Variants in SYT1 observed in about 807,000 individuals in gnomAD.
SYT1 encodes synaptotagmin 1, also known as synaptotagmin-1.
Under a neutral mutation model 44.8 loss-of-function variants are expected in SYT1, and 8 were observed. The observed-to-expected ratio is 0.18, with a 90% CI of 0.10 to 0.32. The LOEUF is 0.32. Among genes scored for constraint, SYT1 ranks in the 10% least tolerant of loss-of-function variants. The pLI, the probability that SYT1 is intolerant of heterozygous loss-of-function variation, is 1.00. For synonymous variants in SYT1, 154 were observed against 188.8 expected (o/e 0.82, Z 1.51); for missense variants, 286 against 509.3 (o/e 0.56, Z 4.22).
intron 4 of SYT1, among the ~76,000 whole-genome samples, chr12:79,283,480 T>G (rs911277805): frequency 1.8e-4 from 27 of 152,192 alleles, no homozygotes; most frequent in Non-Finnish European, 3.8e-4. Context: ...CAAATCATCT[T>G]TGTCTTGTCT....
chr12:79,335,207 A>G (rs1882033943), intron 8 of SYT1, among the ~76,000 whole-genome samples: 1 of 152,112 alleles, frequency 6.6e-6, no homozygotes, highest in South Asian at 2.1e-4. Flanking sequence ...GACCCTTTCA[A>G]CTAGATCTTT....
intron 4 of SYT1, among the ~76,000 whole-genome samples, chr12:79,244,443 C>T (rs1001479968): frequency 2.0e-5 from 3 of 152,108 alleles, no homozygotes; most frequent in African/African-American, 4.8e-5. Flanking sequence ...CAGTGGCTCA[C>T]GCCTGTAATC....
At chr12:79,368,842 G>T (rs1409048416) in intron 9 of SYT1, among the ~76,000 whole-genome samples, 1 of 152,180 alleles carries the variant, frequency 6.6e-6, no homozygotes, top group African/African-American at 2.4e-5. Flanking sequence ...CTCCCATTCT[G>T]TAGGTTGCCT....
intron 3 of SYT1, among the ~76,000 whole-genome samples, chr12:79,175,607 T>A (rs2694686): frequency 0.72 from 108,768 of 151,968 alleles, 39,450 homozygotes; most frequent in African/African-American, 0.8. Context: ...CTTTTGCCAC[T>A]AAAATTCATT....
intron 2 of SYT1, among the ~76,000 whole-genome samples, chr12:78,992,517 T>C (rs768507181): frequency 2.0e-5 from 3 of 152,228 alleles, no homozygotes; most frequent in Non-Finnish European, 2.9e-5. Flanking sequence ...AGGATTAGTA[T>C]TGCTTTGTGA....
intron 9 of SYT1, among the ~76,000 whole-genome samples, chr12:79,430,843 C>G (rs1234566755): frequency 6.6e-6 from 1 of 152,200 alleles, no homozygotes; most frequent in Non-Finnish European, 1.5e-5. Flanking sequence ...TTATACTTAA[C>G]TGGTTCATTC....
chr12:79,378,369 A>C (rs189326397), intron 9 of SYT1, among the ~76,000 whole-genome samples: 114 of 152,080 alleles, frequency 7.5e-4, no homozygotes, highest in African/African-American at 2.6e-3. Context: ...CATAAACACA[A>C]CTCTTAAAAT....
intron 9 of SYT1, chr12:79,419,167 A>C: frequency 2.3e-6 from 1 of 444,370 alleles, no homozygotes; most frequent in South Asian, 1.7e-5. Flanking sequence ...GAAGGGACTA[A>C]TGATTCTATA....
intron 2 of SYT1, among the ~76,000 whole-genome samples, chr12:78,999,925 A>T (rs567174053): frequency 6.6e-6 from 1 of 152,206 alleles, no homozygotes; most frequent in Non-Finnish European, 1.5e-5. Context: ...ACAACTGGAT[A>T]TTATTTCATA....
At chr12:78,994,797 A>AG (rs1232370047) in intron 2 of SYT1, among the ~76,000 whole-genome samples, 3 of 151,914 alleles carry the variant, frequency 2.0e-5, no homozygotes, top group African/African-American at 7.3e-5. Flanking sequence ...GGCCTCCCAA[A>AG]GTGCTGGGAT....
intron 1 of SYT1, among the ~76,000 whole-genome samples, chr12:78,953,561 A>G (rs1879073151): frequency 6.6e-6 from 1 of 152,134 alleles, no homozygotes; most frequent in Non-Finnish European, 1.5e-5. Flanking sequence ...ATTGTCTTGA[A>G]AACTCATGGA....
At chr12:79,432,743 AG>A (rs1379949911) in intron 9 of SYT1, among the ~76,000 whole-genome samples, 1 of 152,070 alleles carries the variant, frequency 6.6e-6, no homozygotes, top group Non-Finnish European at 1.5e-5. Context: ...CCTCCTGAGT[AG>A]CTGGGATTAC....
At chr12:79,324,327 G>T (rs1881510094) in intron 8 of SYT1, among the ~76,000 whole-genome samples, 3 of 152,116 alleles carry the variant, frequency 2.0e-5, no homozygotes, top group Non-Finnish European at 1.5e-5. Context: ...AAATGACCGT[G>T]CTTTCAGAAT....
intron 3 of SYT1, among the ~76,000 whole-genome samples, chr12:79,190,499 A>G (rs893748217): frequency 6.6e-6 from 1 of 152,142 alleles, no homozygotes; most frequent in Non-Finnish European, 1.5e-5. Flanking sequence ...ATTGCTTTCC[A>G]TAGCTGGCGA....
chr12:78,946,704 A>T (rs377444247), intron 1 of SYT1, among the ~76,000 whole-genome samples: 4 of 152,128 alleles, frequency 2.6e-5, no homozygotes, highest in African/African-American at 9.6e-5. Context: ...AAAAAAAGAA[A>T]AAAAAAGAAA....
chr12:79,078,287 C>A (rs960563161), intron 3 of SYT1, among the ~76,000 whole-genome samples: 1 of 152,028 alleles, frequency 6.6e-6, no homozygotes, highest in Non-Finnish European at 1.5e-5. Context: ...TGGATCTCAC[C>A]CTCTTCAGCC....
chr12:79,405,850 C>T lies in SYT1; in HGVS notation c.929-38223C>T, dbSNP rs527756242. 5.8e-4 allele frequency among the ~76,000 whole-genome samples: 89 copies of T among 152,140 alleles called. 1 individual carries two copies. Among genetic ancestry groups the T allele is most frequent in the African/African-American group, 1.9e-3 (79 of 41,520 alleles). ...CTCATGGTGCAATTGAAGACAGTGG[C>T]TGTCCCAACCAAGTTTTTCCTCTTT... On this transcript the variant is annotated intron_variant, in intron 9 of 10. Coordinates refer to ENST00000261205, the MANE Select transcript of SYT1 (RefSeq NM_005639.3).
At chr12:79,001,511 TAC>T (rs1870741478) in intron 2 of SYT1, among the ~76,000 whole-genome samples, 2 of 152,184 alleles carry the variant, frequency 1.3e-5, no homozygotes, top group African/African-American at 4.8e-5. Context: ...CTAAAGATGT[TAC>T]ACTGCTCTCT....
At chr12:79,387,262 C>G (rs1435997698) in intron 9 of SYT1, among the ~76,000 whole-genome samples, 1 of 152,076 alleles carries the variant, frequency 6.6e-6, no homozygotes, top group African/African-American at 2.4e-5. Context: ...AGACAGTAAC[C>G]CTCCAAGACA....
Sources: allele counts gnomAD v4.1 joint callset (sites outside exome capture counted in the v4.1 genomes callset), GRCh38; gene constraint gnomAD v4.1.1; transcripts MANE v1.5; gene names NCBI Gene and HGNC (gene_info 2026-07-23, HGNC 2026-07-21).